The following FRMD4B variants were observed in gnomAD, a reference collection of about 807,000 sequenced individuals.
FRMD4B encodes FERM domain containing 4B.
Under a neutral mutation model 141.5 loss-of-function variants are expected in FRMD4B, and 74 were observed. The observed-to-expected ratio is 0.52, with a 90% confidence interval of 0.43 to 0.63. FRMD4B has a LOEUF of 0.63. FRMD4B is among the 30% of genes least tolerant of loss of function. FRMD4B has a pLI of 0.00. For synonymous variants in FRMD4B, 506 were observed against 467.9 expected, an observed-to-expected ratio of 1.08 and a Z score of -1.05; for missense variants, 1,366 against 1,253.4, an observed-to-expected ratio of 1.09 and a Z score of -1.36.
At chr3:69,336,170 G>A (rs1702545427) in intron 1 of FRMD4B, among the ~76,000 whole-genome samples, 1 of 152,222 alleles carries the variant, frequency 6.6e-6, no homozygotes, top group Non-Finnish European at 1.5e-5. Flanking sequence ...AATGTGGTTG[G>A]AGGTTGGTCA....
intron 5 of FRMD4B, among the ~76,000 whole-genome samples, chr3:69,258,138 G>T (rs1261375423): frequency 6.6e-6 from 1 of 151,854 alleles, no homozygotes; most frequent in African/African-American, 2.4e-5. Flanking sequence ...CATAATTATT[G>T]TATTTTTTAT....
intron 1 of FRMD4B, among the ~76,000 whole-genome samples, chr3:69,455,140 CT>C (rs1705572769): frequency 6.6e-6 from 1 of 152,154 alleles, no homozygotes; most frequent in Non-Finnish European, 1.5e-5. Context: ...GACCAATCAG[CT>C]CTCTGTAAAA....
chr3:69,182,765 T>G (rs1190809474), intron 19 of FRMD4B, 48 bp from the exon 20 acceptor site: 2 of 1,589,830 alleles, frequency 1.3e-6, no homozygotes, highest in South Asian at 2.3e-5. Flanking sequence ...TCTCTCAACA[T>G]CTCTGGCAAA....
chr3:69,248,156 TA>T (rs1479352640), intron 7 of FRMD4B, among the ~76,000 whole-genome samples: 1 of 152,058 alleles, frequency 6.6e-6, no homozygotes, highest in Non-Finnish European at 1.5e-5. Context: ...TTTTTTTTTT[TA>T]AACTCCTGCC....
chr3:69,177,429 C>T (rs1004768496), intron 21 of FRMD4B, among the ~76,000 whole-genome samples: 9 of 152,044 alleles, frequency 5.9e-5, no homozygotes, highest in Admixed American at 1.3e-4. Flanking sequence ...GTGGGAGTAA[C>T]GCTTGAGCCC....
chr3:69,392,154 T>G (rs1704395197), intron 2 of FRMD4B, among the ~76,000 whole-genome samples: 1 of 152,192 alleles, frequency 6.6e-6, no homozygotes, highest in Admixed American at 6.5e-5. Flanking sequence ...GCACTATGCA[T>G]CAGGCAGGGA....
intron 11 of FRMD4B, among the ~76,000 whole-genome samples, chr3:69,214,963 T>C (rs2093125113): frequency 6.6e-6 from 1 of 151,964 alleles, no homozygotes. Context: ...CACTGCAACC[T>C]CTGCCTCCCA....
chr3:69,348,758 G>A, intron 1 of FRMD4B, among the ~76,000 whole-genome samples: 1 of 152,176 alleles, frequency 6.6e-6, no homozygotes, highest in East Asian at 1.9e-4. Flanking sequence ...AATAGATGCA[G>A]AAAACGCCTT....
chr3:69,304,175 CAA>C (rs35528700), intron 3 of FRMD4B, among the ~76,000 whole-genome samples: 3,294 of 106,218 alleles, frequency 0.031, 120 homozygotes, highest in African/African-American at 0.1. Flanking sequence ...TAACTTGTCT[CAA>C]AAAAAAAAAA....
intron 7 of FRMD4B, among the ~76,000 whole-genome samples, chr3:69,245,470 C>G (rs561917721): frequency 6.6e-6 from 1 of 151,854 alleles, no homozygotes; most frequent in Non-Finnish European, 1.5e-5. Context: ...TCTCAGCCTC[C>G]TCAGGAGCTG....
At chr3:69,412,754 G>T (rs568236191) in intron 2 of FRMD4B, among the ~76,000 whole-genome samples, 2 of 150,680 alleles carry the variant, frequency 1.3e-5, no homozygotes, top group Non-Finnish European at 3.0e-5. Flanking sequence ...GGGTTAATTC[G>T]TCATGTTGAG....
At chr3:69,355,167 G>A (rs1022818093) in intron 1 of FRMD4B, among the ~76,000 whole-genome samples, 7 of 152,180 alleles carry the variant, frequency 4.6e-5, no homozygotes, top group African/African-American at 1.7e-4. Context: ...GAGGACTTTT[G>A]TTCCAGTGCC....
At chr3:69,419,123 A>G (rs924260713) in intron 2 of FRMD4B, among the ~76,000 whole-genome samples, 3 of 152,218 alleles carry the variant, frequency 2.0e-5, no homozygotes, top group Non-Finnish European at 2.9e-5. Context: ...ACTAGGAAAT[A>G]TATGGGAAAT....
At chr3:69,520,455 G>A (rs1009403846) in intron 1 of FRMD4B, among the ~76,000 whole-genome samples, 2 of 148,030 alleles carry the variant, frequency 1.4e-5, no homozygotes, top group East Asian at 2.0e-4. Flanking sequence ...AGAGATTTGG[G>A]GTGTATACCA....
At chr3:69,252,695 T>G (rs773368948) in intron 5 of FRMD4B, among the ~76,000 whole-genome samples, 12 of 152,178 alleles carry the variant, frequency 7.9e-5, no homozygotes, top group Non-Finnish European at 1.6e-4. Context: ...CTCCAGGATT[T>G]CAAGCCTGAA....
intron 17 of FRMD4B, 36 bp downstream of exon 17, chr3:69,193,612 G>A (rs955705732): frequency 9.5e-7 from 1 of 1,054,174 alleles, no homozygotes; most frequent in South Asian, 1.4e-5. Context: ...GTACTGAGTA[G>A]GGGACTCAAA....
In FRMD4B at chr3:69,289,271, C is replaced by T. The variant is rs1158149121; in HGVS notation, c.417-1435G>A. Among the ~76,000 whole-genome samples, 5 of 152,260 alleles carry T rather than the reference C, an allele frequency of 3.3e-5. No homozygotes were observed. The South Asian group carries it at 6.2e-4, about 19-fold the overall frequency. The stretch of plus-strand genomic sequence containing the variant: ...TTTGTGTCTTTTTTAAATTGAATGT[C>T]GTGACTGTACTTATCTCTGAGGAAA... On this transcript the variant is annotated intron_variant, in intron 4 of 22. Transcript: ENST00000398540.
At chr3:69,317,100 T>G (rs1701827440) in intron 1 of FRMD4B, among the ~76,000 whole-genome samples, 1 of 152,184 alleles carries the variant, frequency 6.6e-6, no homozygotes, top group Non-Finnish European at 1.5e-5. Context: ...ATCATCTTTT[T>G]TTGCCTTTCC....
intron 1 of FRMD4B, among the ~76,000 whole-genome samples, chr3:69,482,417 C>G (rs1706138833): frequency 6.6e-6 from 1 of 152,000 alleles, no homozygotes; most frequent in African/African-American, 2.4e-5. Context: ...CAAAACCACA[C>G]TCCCACAGGT....
Sources: gnomAD v4.1 joint callset for allele counts (sites outside exome capture counted in the v4.1 genomes callset) on GRCh38, gnomAD v4.1.1 for gene constraint, MANE v1.5 for transcripts, NCBI Gene and HGNC (gene_info 2026-07-23, HGNC 2026-07-21) for gene names.